RBFOX2: variants seen among roughly 807,000 people sequenced by gnomAD.
The protein encoded by RBFOX2 is RNA binding protein fox-1 homolog 2.
Under a neutral mutation model 49.1 loss-of-function variants are expected in RBFOX2, and 10 were observed. That is an observed-to-expected ratio of 0.20 (90% CI 0.13 to 0.35). The LOEUF is 0.35. RBFOX2 is among the 10% of genes least tolerant of loss of function. RBFOX2 has a pLI of 1.00. For missense variants in RBFOX2, 323 were observed against 486.9 expected (o/e 0.66, Z 3.17); for synonymous variants, 183 against 187.4 (o/e 0.98, Z 0.19).
chr22:36,020,615 A>AGAC lies in RBFOX2; in HGVS notation c.186+7624_186+7625insGTC, dbSNP rs532533350. 1.0e-3 allele frequency among the ~76,000 whole-genome samples: 156 copies of AGAC among 152,170 alleles called. 2 individuals are homozygous for AGAC. Among genetic ancestry groups the AGAC allele is most frequent in the South Asian group, 3.7e-3 (18 of 4,826 alleles). On this transcript the variant is annotated intron_variant, in intron 1 of 13. Coordinates refer to the RBFOX2 transcript ENST00000438146. The stretch of plus-strand genomic sequence containing the variant: ...ATATGAACAGACACTTCTCAAAAGA[A>AGAC]ATTTACGCAGCCAACAGACACATGA...
At chr22:35,886,126 G>A (rs1423680651) in intron 1 of RBFOX2, among the ~76,000 whole-genome samples, 2 of 151,946 alleles carry the variant, frequency 1.3e-5, no homozygotes, top group Non-Finnish European at 2.9e-5. Context: ...AAAGTGCTGG[G>A]ATTACAGGCG....
chr22:35,936,742 A>G (rs2053120319), intron 1 of RBFOX2, among the ~76,000 whole-genome samples: 1 of 152,222 alleles, frequency 6.6e-6, no homozygotes, highest in South Asian at 2.1e-4. Flanking sequence ...CCCTACTGCA[A>G]AAGAAAGAAA....
chr22:36,010,853 C>A (rs2058796005), intron 1 of RBFOX2, among the ~76,000 whole-genome samples: 1 of 151,988 alleles, frequency 6.6e-6, no homozygotes, highest in Admixed American at 6.6e-5. Flanking sequence ...AGAGGCCATA[C>A]CCTAGGGAAG....
At chr22:35,756,141 C>A in intron 9 of RBFOX2, 1 of 1,498,710 alleles carries the variant, frequency 6.7e-7, no homozygotes, top group East Asian at 2.6e-5. Flanking sequence ...CCTGGTAAAC[C>A]ACACTGCAGA....
intron 1 of RBFOX2, among the ~76,000 whole-genome samples, chr22:35,876,448 T>G (rs2045098896): frequency 6.6e-6 from 1 of 150,468 alleles, no homozygotes. Context: ...GCAAAAAGAG[T>G]ACTGTTTTCC....
intron 1 of RBFOX2, among the ~76,000 whole-genome samples, chr22:36,027,588 G>A (rs1236665935): frequency 6.6e-6 from 1 of 152,142 alleles, no homozygotes; most frequent in Admixed American, 6.5e-5. Flanking sequence ...AATTGGCAAA[G>A]AACAGGAGGG....
intron 1 of RBFOX2, among the ~76,000 whole-genome samples, chr22:36,008,023 T>C (rs2058682563): frequency 1.3e-5 from 2 of 152,334 alleles, no homozygotes; most frequent in South Asian, 4.1e-4. Flanking sequence ...AGAGCATCTG[T>C]AGGATAAATT....
chr22:35,896,118 G>C (rs1021490609), intron 1 of RBFOX2, among the ~76,000 whole-genome samples: 28 of 152,150 alleles, frequency 1.8e-4, no homozygotes, highest in African/African-American at 6.8e-4. Flanking sequence ...CTGTGAGTGA[G>C]CTCTCCTTTC....
In RBFOX2 at chr22:35,804,169, T is replaced by C. The variant is rs1335060128; in HGVS notation, c.252+5611A>G. ...GGTGCATGCCCATAATCCCAGCTAC[T>C]TGGGAGGCTGAGGCAGGAGAATTGG... On this transcript the variant is annotated intron_variant, in intron 2 of 11. Transcript: ENST00000405409. 3.3e-5 allele frequency among the ~76,000 whole-genome samples: 5 copies of C among 152,014 alleles called. No individual in the cohort carries two copies. The East Asian group carries it at 5.8e-4, about 18-fold the overall frequency.
intron 3 of RBFOX2, among the ~76,000 whole-genome samples, chr22:35,778,677 C>T (rs1944463526): frequency 6.6e-6 from 1 of 152,046 alleles, no homozygotes; most frequent in Non-Finnish European, 1.5e-5. Flanking sequence ...TGAACTGTCA[C>T]CCAGGCTGGA....
At chr22:35,803,988 T>C (rs1430072379) in intron 2 of RBFOX2, among the ~76,000 whole-genome samples, 2 of 152,178 alleles carry the variant, frequency 1.3e-5, no homozygotes, top group Admixed American at 1.3e-4. Context: ...AGTATTTTAA[T>C]TTATGTGTTG....
At chr22:35,833,797 G>GT (rs1161152892) in intron 1 of RBFOX2, among the ~76,000 whole-genome samples, 1 of 152,150 alleles carries the variant, frequency 6.6e-6, no homozygotes, top group East Asian at 1.9e-4. Flanking sequence ...GTACTGCTGA[G>GT]TAAGTATATA....
chr22:35,896,741 CT>C (rs900193422), intron 1 of RBFOX2, among the ~76,000 whole-genome samples: 1 of 152,230 alleles, frequency 6.6e-6, no homozygotes, highest in African/African-American at 2.4e-5. Context: ...AGGTATTCTT[CT>C]TGGCCTCACC....
At chr22:35,913,975 T>A (rs1799855758) in intron 1 of RBFOX2, among the ~76,000 whole-genome samples, 1 of 152,182 alleles carries the variant, frequency 6.6e-6, no homozygotes, top group African/African-American at 2.4e-5. Context: ...AATCCCTAAG[T>A]CATTTACTTG....
intron 9 of RBFOX2, 145 bp downstream of exon 11, chr22:35,755,960 T>A (rs1936774924): frequency 1.0e-5 from 3 of 292,294 alleles, no homozygotes; most frequent in Non-Finnish European, 1.7e-5. Flanking sequence ...TATATAAATA[T>A]ATATATATAT....
chr22:35,801,014 C>A (rs1458908058), intron 2 of RBFOX2, among the ~76,000 whole-genome samples: 3 of 152,144 alleles, frequency 2.0e-5, no homozygotes, highest in Admixed American at 2.0e-4. Context: ...AGTGAATATA[C>A]ACAGTACACC....
intron 1 of RBFOX2, among the ~76,000 whole-genome samples, chr22:35,899,566 C>CAAAAAAAAAAAAAAA (rs398061920): frequency 3.3e-5 from 3 of 89,998 alleles, no homozygotes; most frequent in Admixed American, 1.1e-4. Flanking sequence ...TAAAACAAAA[C>CAAAAAAAAAAAAAAA]AAAAAAAAAA....
At chr22:36,018,764 C>T (rs1243811132) in intron 1 of RBFOX2, among the ~76,000 whole-genome samples, 1 of 152,198 alleles carries the variant, frequency 6.6e-6, no homozygotes, top group Admixed American at 6.5e-5. Flanking sequence ...CAGGCATGCG[C>T]CACCACGCCC....
At chr22:35,948,254 C>T (rs5750204) in intron 1 of RBFOX2, among the ~76,000 whole-genome samples, 33,517 of 152,084 alleles carry the variant, frequency 0.22, 5,732 homozygotes, top group African/African-American at 0.48. Context: ...TTCATACAGC[C>T]AGATAGTCCA....
Sources: gnomAD v4.1 joint callset for allele counts (sites outside exome capture counted in the v4.1 genomes callset) on GRCh38, gnomAD v4.1.1 for gene constraint, MANE v1.5 for transcripts, NCBI Gene and HGNC (gene_info 2026-07-23, HGNC 2026-07-21) for gene names.